Variants in PRIM2 observed in about 807,000 individuals in gnomAD.
The protein encoded by PRIM2 is DNA primase subunit 2, also known as DNA primase large subunit.
Under a neutral mutation model 67.3 loss-of-function variants are expected in PRIM2, and 39 were observed. That is an observed-to-expected ratio of 0.58 (90% confidence interval 0.45 to 0.76). The LOEUF is 0.76. Ranked by LOEUF, PRIM2 falls within the 30% of genes least tolerant of loss-of-function variation. The pLI is 0.00. For missense variants in PRIM2, 398 were observed against 598.7 expected (o/e 0.66, Z 3.50); for synonymous variants, 143 against 198.7 (o/e 0.72, Z 2.36).
the PRIM2 span, among the ~76,000 whole-genome samples, chr6:57,247,861 G>T: frequency 6.6e-6 from 1 of 152,156 alleles, no homozygotes; most frequent in Non-Finnish European, 1.5e-5. Context: ...TACATTTGTA[G>T]CCCTGACTAG....
At chr6:57,642,603 C>T (rs1253649472) in intron 13 of PRIM2, among the ~76,000 whole-genome samples, 7 of 151,120 alleles carry the variant, frequency 4.6e-5, no homozygotes, top group South Asian at 2.1e-4. Context: ...CCACCATGCC[C>T]GGCTAATTTT....
intron 5 of PRIM2, among the ~76,000 whole-genome samples, chr6:57,327,996 G>A (rs978709565): frequency 2.6e-5 from 4 of 152,126 alleles, no homozygotes; most frequent in South Asian, 2.1e-4. Flanking sequence ...AATAGGGTTC[G>A]CACTCCTATA....
At chr6:57,379,771 A>G (rs1769889231) in intron 5 of PRIM2, 130 bp from the exon 6 acceptor site, 1 of 744,928 alleles carries the variant, frequency 1.3e-6, no homozygotes, top group African/African-American at 1.8e-5. Flanking sequence ...CATGTTAGAA[A>G]TGATTTGAGA....
At chr6:57,273,337 G>T in the PRIM2 span, among the ~76,000 whole-genome samples, 4 of 151,946 alleles carry the variant, frequency 2.6e-5, no homozygotes, top group African/African-American at 9.7e-5. Context: ...TTTTTATTCT[G>T]TTTTCTCTAA....
At chr6:57,238,402 A>C in the PRIM2 span, among the ~76,000 whole-genome samples, 1 of 152,232 alleles carries the variant, frequency 6.6e-6, no homozygotes, top group Non-Finnish European at 1.5e-5. Flanking sequence ...ACTCAGGATT[A>C]AGAAACTCAC....
chr6:57,324,096 T>C lies in PRIM2; in HGVS notation c.259-105T>C, dbSNP rs181513710. On this transcript the variant is annotated intron_variant, in intron 3 of 13. Transcript: ENST00000615550. ...AAGACCCCATCTCTAAAAAAAGAAA[T>C]GTTTTTGAAACTTACTTTACCATTG... 1.2e-5 allele frequency: 8 copies of C among 640,640 alleles called. No individual in the cohort carries two copies. The African/African-American group carries it at 1.5e-4, about 12-fold the overall frequency. 39.7% of individuals were successfully genotyped at this position (640,640 alleles called of 1,614,324 possible). A position where few individuals can be genotyped will look rare whatever the true frequency, so the allele number is the denominator to read the frequency against.
chr6:57,241,585 C>T, the PRIM2 span, among the ~76,000 whole-genome samples: 3 of 150,196 alleles, frequency 2.0e-5, no homozygotes, highest in African/African-American at 4.9e-5. Context: ...CAAAAGAAAC[C>T]GAAAAAAGTG....
Position 57,593,980 on chromosome 6 carries a change from A to G in PRIM2, c.1021-7113A>G, listed in dbSNP as rs1582010002. ...TAGCTTACCAATATGTTCTTTCCCT[A>G]TTTTGTGATGAACGTAACTGAAATC... is the stretch of plus-strand genomic sequence containing the variant. On this transcript the variant is annotated intron_variant, in intron 10 of 13. Coordinates refer to ENST00000615550, the MANE Select transcript of PRIM2 (RefSeq NM_000947.5). Among the ~76,000 whole-genome samples the G allele has an allele frequency of 2.6e-5, 4 of 152,312 alleles. 1 individual carries two copies. The East Asian group carries it at 7.7e-4, about 29-fold the overall frequency.
chr6:57,478,136 C>A (rs1224601954), intron 7 of PRIM2, among the ~76,000 whole-genome samples: 2 of 152,132 alleles, frequency 1.3e-5, no homozygotes, highest in African/African-American at 2.4e-5. Context: ...TGTTAATGAT[C>A]ACTTAAACTT....
the PRIM2 span, among the ~76,000 whole-genome samples, chr6:57,252,751 C>T: frequency 6.6e-6 from 1 of 152,088 alleles, no homozygotes; most frequent in African/African-American, 2.4e-5. Flanking sequence ...TTGCTCTTGC[C>T]TTCTTAATTG....
chr6:57,241,515 G>A, the PRIM2 span, among the ~76,000 whole-genome samples: 7 of 145,994 alleles, frequency 4.8e-5, no homozygotes, highest in Non-Finnish European at 1.5e-5. Context: ...ATGGCAAGCA[G>A]AAAAAAAAAA....
intron 8 of PRIM2, among the ~76,000 whole-genome samples, chr6:57,513,977 A>T (rs1774425838): frequency 1.3e-5 from 2 of 152,240 alleles, no homozygotes; most frequent in African/African-American, 4.8e-5. Context: ...AAACAAAGAT[A>T]AAGCAAGCTA....
In PRIM2 at chr6:57,463,506, A is replaced by C. The variant is rs1361634534; in HGVS notation, c.694-43881A>C. The stretch of plus-strand genomic sequence containing the variant: ...GCCCCTATCTCTAAAACAAAACAAA[A>C]CCAAGAAAATAAAGGAGATTGGCTA... On this transcript the variant is annotated intron_variant, in intron 7 of 13. Coordinates refer to ENST00000615550, the MANE Select transcript of PRIM2 (RefSeq NM_000947.5). Among the ~76,000 whole-genome samples the C allele has an allele frequency of 9.9e-5, 15 of 152,100 alleles. No homozygotes were observed. In the South Asian group the frequency reaches 3.1e-3, roughly 32 times the overall value.
chr6:57,311,527 C>A (rs1330311786), upstream of PRIM2, among the ~76,000 whole-genome samples: 3 of 151,960 alleles, frequency 2.0e-5, no homozygotes, highest in Admixed American at 2.0e-4. Context: ...CAGGCAGAGA[C>A]GTTCCTCACT....
intron 5 of PRIM2, among the ~76,000 whole-genome samples, chr6:57,369,084 T>A (rs1187646666): frequency 6.6e-6 from 1 of 152,206 alleles, no homozygotes; most frequent in Non-Finnish European, 1.5e-5. Flanking sequence ...GGCTACACTT[T>A]AGTTCAGCAG....
intron 7 of PRIM2, among the ~76,000 whole-genome samples, chr6:57,467,633 T>C (rs1212751440): frequency 1.3e-5 from 2 of 152,206 alleles, no homozygotes; most frequent in Non-Finnish European, 2.9e-5. Flanking sequence ...CCATGTGAAA[T>C]TTAAAGTAGT....
At chr6:57,272,524 A>G in the PRIM2 span, among the ~76,000 whole-genome samples, 3 of 152,214 alleles carry the variant, frequency 2.0e-5, no homozygotes, top group South Asian at 6.2e-4. Context: ...GTGTGTCTCT[A>G]CACATGAGAT....
rs1412988997 is a variant in PRIM2, at chr6:57,646,809, A to T, written c.*651A>T. On this transcript the variant is annotated 3_prime_UTR_variant, in exon 14 of 14. Transcript: ENST00000615550. ...TTAATCACTTTGTAATTTTGACTCA[A>T]TCCTTTTCTGGACCATTTTTGTTAA... The T allele has an allele frequency of 6.6e-6, 1 of 152,204 alleles. No homozygotes were observed. Among genetic ancestry groups the T allele is most frequent in the African/African-American group, 2.4e-5 (1 of 41,444 alleles). 9.4% of individuals were successfully genotyped at this position (152,204 alleles called of 1,614,324 possible). A position where few individuals can be genotyped will look rare whatever the true frequency, so the allele number is the denominator to read the frequency against.
chr6:57,439,387 T>C (rs1179005181), intron 7 of PRIM2, among the ~76,000 whole-genome samples: 2 of 148,992 alleles, frequency 1.3e-5, no homozygotes, highest in African/African-American at 4.9e-5. Context: ...GTCATGAGCT[T>C]TGAGTAGAGG....
Sources: allele counts gnomAD v4.1 joint callset (sites outside exome capture counted in the v4.1 genomes callset), GRCh38; gene constraint gnomAD v4.1.1; transcripts MANE v1.5; gene names NCBI Gene and HGNC (gene_info 2026-07-23, HGNC 2026-07-21).